The following CCSER2 variants were observed in gnomAD, a reference collection of about 807,000 sequenced individuals.
The protein encoded by CCSER2 is coiled-coil serine rich protein 2.
CCSER2 carries 46 observed loss-of-function variants against 92.3 expected under a neutral mutation model. The ratio of observed to expected loss-of-function variants is 0.50; its 90% CI spans 0.39 to 0.64. The LOEUF (loss-of-function observed/expected upper bound fraction) is 0.64. Ranked by LOEUF, CCSER2 falls within the 30% of genes least tolerant of loss-of-function variation. The pLI, the probability that CCSER2 is intolerant of heterozygous loss-of-function variation, is 0.00. For missense variants in CCSER2, 1,244 were observed against 1,238.9 expected (o/e 1.00, Z -0.06); for synonymous variants, 433 against 431.4 (o/e 1.00, Z -0.04).
chr10:84,349,631 A>G (rs7086361), intron 1 of CCSER2, among the ~76,000 whole-genome samples: 42,964 of 152,060 alleles, frequency 0.28, 8,012 homozygotes, highest in African/African-American at 0.53. Context: ...GCAGCGAACT[A>G]TGATCACCCC....
At chr10:84,416,051 C>T (rs61865051) in intron 3 of CCSER2, among the ~76,000 whole-genome samples, 15,178 of 152,204 alleles carry the variant, frequency 0.1, 958 homozygotes, top group Admixed American at 0.15. Flanking sequence ...TACCTGGACG[C>T]CACACAGCTC....
intron 1 of CCSER2, among the ~76,000 whole-genome samples, chr10:84,348,941 ATACT>A (rs1844708293): frequency 6.6e-6 from 1 of 152,150 alleles, no homozygotes; most frequent in South Asian, 2.1e-4. Context: ...TATCTCCTAA[ATACT>A]TCAACATGTA....
chr10:84,513,342 C>T (rs1314107891), intron 9 of CCSER2, 107 bp from the exon 10 acceptor site: 24 of 819,026 alleles, frequency 2.9e-5, no homozygotes, highest in Admixed American at 5.8e-5. Context: ...CACATATTTT[C>T]CATATTAAAG....
intron 3 of CCSER2, among the ~76,000 whole-genome samples, chr10:84,382,772 G>A (rs554178182): frequency 6.6e-6 from 1 of 152,250 alleles, no homozygotes; most frequent in East Asian, 1.9e-4. Flanking sequence ...CTTTATTTTT[G>A]TTTTATCAGC....
At chr10:84,354,819 T>C (rs1845072904) in intron 1 of CCSER2, among the ~76,000 whole-genome samples, 1 of 151,462 alleles carries the variant, frequency 6.6e-6, no homozygotes, top group African/African-American at 2.4e-5. Context: ...TTGTGATGTT[T>C]TTCCCCAGAC....
At chr10:84,505,869 A>AT (rs1554869889) in intron 9 of CCSER2, among the ~76,000 whole-genome samples, 10 of 35,806 alleles carry the variant, frequency 2.8e-4, no homozygotes, top group African/African-American at 3.1e-4. Flanking sequence ...AGCTTGTGGG[A>AT]TTTTTTTTAG....
chr10:84,458,267 G>C (rs972136884), intron 6 of CCSER2, among the ~76,000 whole-genome samples: 1 of 152,154 alleles, frequency 6.6e-6, no homozygotes, highest in Non-Finnish European at 1.5e-5. Flanking sequence ...TGTATGTTCA[G>C]TTGTTCTAGC....
Position 84,371,882 on chromosome 10 carries a change from C to T in CCSER2, c.830C>T (p.Pro277Leu). The change falls in exon 2 of 10, where the codon CCA (proline) becomes CTA (leucine). Residue 277 changes from proline to leucine, a missense_variant. By Grantham distance (98) the Pro-to-Leu change is moderately conservative. Transcript: ENST00000372088. ...ATGCTAACAAGAAATTCCCGGCAGC[C>T]AGAAGTACTCAATGGGAATGAACAT... ...SSMLTRNSRQ[P>L]EVLNGNEHLG... 6.2e-7 allele frequency: 1 copy of T among 1,613,746 alleles called. No individual in the cohort carries two copies. Among genetic ancestry groups the T allele is most frequent in the Non-Finnish European group, 8.5e-7 (1 of 1,179,746 alleles).
chr10:84,391,057 A>G (rs1296962419), intron 3 of CCSER2: 4 of 778,306 alleles, frequency 5.1e-6, no homozygotes, highest in African/African-American at 3.4e-5. Flanking sequence ...ACATCATTCA[A>G]ACAAACCAGA....
intron 3 of CCSER2, among the ~76,000 whole-genome samples, chr10:84,381,732 A>C (rs1840917375): frequency 6.6e-6 from 1 of 152,038 alleles, no homozygotes; most frequent in Non-Finnish European, 1.5e-5. Flanking sequence ...GTTCAAGACC[A>C]GCCTGACCAA....
intron 9 of CCSER2, among the ~76,000 whole-genome samples, chr10:84,496,689 T>C (rs982571280): frequency 6.6e-6 from 1 of 152,206 alleles, no homozygotes; most frequent in African/African-American, 2.4e-5. Context: ...CTAGTCTTCC[T>C]CTTTCCTGAT....
chr10:84,355,974 G>A (rs1845146737), intron 1 of CCSER2, among the ~76,000 whole-genome samples: 1 of 151,854 alleles, frequency 6.6e-6, no homozygotes, highest in Non-Finnish European at 1.5e-5. Context: ...GTAGTGGCGG[G>A]CGCCTGTAAT....
At chr10:84,438,768 AG>A in intron 6 of CCSER2, 61 bp downstream of exon 6, 1 of 1,063,306 alleles carries the variant, frequency 9.4e-7, no homozygotes, top group Non-Finnish European at 1.4e-6. Flanking sequence ...GATTGACTTT[AG>A]TTTTTTTTAA....
chr10:84,512,565 A>G (rs1849420387), intron 9 of CCSER2, among the ~76,000 whole-genome samples: 1 of 152,206 alleles, frequency 6.6e-6, no homozygotes, highest in Non-Finnish European at 1.5e-5. Context: ...GAAATGGCAT[A>G]GTTCCTCTGA....
chr10:84,453,934 T>G (rs1457997516), intron 6 of CCSER2, among the ~76,000 whole-genome samples: 1 of 152,170 alleles, frequency 6.6e-6, no homozygotes, highest in Non-Finnish European at 1.5e-5. Context: ...TTGTTGAGAT[T>G]TATCTGGTGT....
chr10:84,392,773 G>C (rs1841597995), intron 3 of CCSER2, among the ~76,000 whole-genome samples: 1 of 152,016 alleles, frequency 6.6e-6, no homozygotes, highest in Non-Finnish European at 1.5e-5. Flanking sequence ...GTGCAGGCTG[G>C]GTGGAATAAA....
At chr10:84,329,303 T>C (rs865878415) in intron 1 of CCSER2, among the ~76,000 whole-genome samples, 3 of 152,372 alleles carry the variant, frequency 2.0e-5, no homozygotes, top group African/African-American at 7.2e-5. Flanking sequence ...TTTAGACATG[T>C]ATTTTCATAC....
chr10:84,497,373 A>G (rs1036847283), intron 9 of CCSER2, among the ~76,000 whole-genome samples: 1 of 152,240 alleles, frequency 6.6e-6, no homozygotes, highest in Non-Finnish European at 1.5e-5. Flanking sequence ...CAACTGTTTG[A>G]TAGGCTAATA....
rs532236305 is a variant in CCSER2 at position 84,406,122 on chromosome 10, A to G, written c.1615-11649A>G. ...AGTACTCAGCAGTAAAAAGAAACCA[A>G]TGAACCTTAAAGGCATTATGCCGAG... On this transcript the variant is annotated intron_variant, in intron 3 of 9. Coordinates refer to ENST00000372088, the MANE Select transcript of CCSER2 (RefSeq NM_001284240.2). 6.6e-5 allele frequency among the ~76,000 whole-genome samples: 10 copies of G among 152,350 alleles called. 1 individual carries two copies. In the Middle Eastern group the frequency reaches 0.014, roughly 207 times the overall value.
Sources: gnomAD v4.1 joint callset for allele counts (sites outside exome capture counted in the v4.1 genomes callset) on GRCh38, gnomAD v4.1.1 for gene constraint, MANE v1.5 for transcripts, NCBI Gene and HGNC (gene_info 2026-07-23, HGNC 2026-07-21) for gene names.